STXBP5L: variants seen among roughly 807,000 people sequenced by gnomAD.
The protein encoded by STXBP5L is syntaxin-binding protein 5-like.
STXBP5L carries 65 observed loss-of-function variants against 144.5 expected under a neutral mutation model. The ratio of observed to expected loss-of-function variants is 0.45; its 90% CI spans 0.37 to 0.55. The LOEUF (loss-of-function observed/expected upper bound fraction) is 0.55, where lower values mean the gene tolerates loss of function less well. Ranked by LOEUF, STXBP5L falls within the 20% of genes least tolerant of loss-of-function variation. STXBP5L has a pLI of 0.00. For missense variants in STXBP5L, 1,298 were observed against 1,405.5 expected (o/e 0.92, Z 1.22); for synonymous variants, 505 against 469.6 (o/e 1.08, Z -0.97).
chr3:121,100,493 CT>C (rs1296558555), intron 5 of STXBP5L, among the ~76,000 whole-genome samples: 1 of 152,074 alleles, frequency 6.6e-6, no homozygotes, highest in Non-Finnish European at 1.5e-5. Context: ...TCCCGATTGA[CT>C]TTTGGTAAAC....
chr3:121,189,586 T>G (rs1242617974), intron 9 of STXBP5L, among the ~76,000 whole-genome samples: 1 of 152,214 alleles, frequency 6.6e-6, no homozygotes, highest in Non-Finnish European at 1.5e-5. Context: ...TCTATATCTC[T>G]GTTTTGGAAC....
At chr3:121,286,218 C>A (rs1182672503) in intron 19 of STXBP5L, among the ~76,000 whole-genome samples, 1 of 151,712 alleles carries the variant, frequency 6.6e-6, no homozygotes, top group African/African-American at 2.4e-5. Flanking sequence ...ATAACAGATC[C>A]TAAAAACACC....
intron 20 of STXBP5L, among the ~76,000 whole-genome samples, chr3:121,337,085 G>T (rs189618751): frequency 6.6e-6 from 1 of 152,170 alleles, no homozygotes; most frequent in East Asian, 1.9e-4. Context: ...ACAGACACTG[G>T]GGTCTACTTG....
At chr3:121,333,047 C>T (rs965430690) in intron 20 of STXBP5L, among the ~76,000 whole-genome samples, 6 of 152,116 alleles carry the variant, frequency 3.9e-5, no homozygotes, top group African/African-American at 1.4e-4. Flanking sequence ...GAACTTGCCA[C>T]TACCACACCA....
chr3:121,015,311 A>T (rs1945065442), intron 3 of STXBP5L, among the ~76,000 whole-genome samples: 1 of 152,166 alleles, frequency 6.6e-6, no homozygotes, highest in Non-Finnish European at 1.5e-5. Context: ...AAGAGCTTGG[A>T]AGTTGTTACT....
chr3:121,134,956 T>A (rs1174278838), intron 7 of STXBP5L, among the ~76,000 whole-genome samples: 2 of 152,112 alleles, frequency 1.3e-5, no homozygotes, highest in Non-Finnish European at 2.9e-5. Context: ...GTATTTCTAG[T>A]TCTAGATCCT....
At chr3:121,019,724 A>G (rs1945408540) in intron 3 of STXBP5L, among the ~76,000 whole-genome samples, 1 of 152,214 alleles carries the variant, frequency 6.6e-6, no homozygotes, top group Non-Finnish European at 1.5e-5. Context: ...GAGAAAGTGG[A>G]GAGCACCACA....
intron 19 of STXBP5L, among the ~76,000 whole-genome samples, chr3:121,289,079 C>G (rs974683951): frequency 2.0e-5 from 3 of 152,138 alleles, no homozygotes; most frequent in Non-Finnish European, 4.4e-5. Context: ...ACATGCAGTT[C>G]ACCAGCCAAG....
chr3:120,951,880 C>T (rs2107689715), intron 2 of STXBP5L, among the ~76,000 whole-genome samples: 1 of 152,024 alleles, frequency 6.6e-6, no homozygotes, highest in African/African-American at 2.4e-5. Context: ...GCACTATTCA[C>T]AATAGCAAAG....
At chr3:121,073,574 C>T (rs2041896957) in intron 5 of STXBP5L, among the ~76,000 whole-genome samples, 1 of 152,138 alleles carries the variant, frequency 6.6e-6, no homozygotes, top group South Asian at 2.1e-4. Flanking sequence ...TGTAGCTATT[C>T]CTTTTCTTTC....
chr3:121,218,922 G>A (rs173087), intron 10 of STXBP5L, among the ~76,000 whole-genome samples: 10 of 151,894 alleles, frequency 6.6e-5, no homozygotes, highest in Non-Finnish European at 1.2e-4. Flanking sequence ...CTGTAATGTC[G>A]TCAGTTTGAT....
At chr3:121,114,632 C>G (rs989042303) in intron 5 of STXBP5L, among the ~76,000 whole-genome samples, 7 of 152,106 alleles carry the variant, frequency 4.6e-5, no homozygotes, top group African/African-American at 1.7e-4. Flanking sequence ...AATTCAGCCA[C>G]AGTTTCATTT....
At chr3:121,056,887 T>C (rs1368898510) in intron 5 of STXBP5L, among the ~76,000 whole-genome samples, 3 of 151,476 alleles carry the variant, frequency 2.0e-5, no homozygotes, top group Non-Finnish European at 4.4e-5. Flanking sequence ...GAGAATATCA[T>C]ATTTTTTTGT....
At chr3:121,195,090 A>AT (rs1010496848) in intron 9 of STXBP5L, among the ~76,000 whole-genome samples, 10 of 150,780 alleles carry the variant, frequency 6.6e-5, no homozygotes, top group East Asian at 2.0e-4. Flanking sequence ...TAATTTTTGT[A>AT]TTTTTTTTAA....
intron 19 of STXBP5L, among the ~76,000 whole-genome samples, chr3:121,317,016 T>TA (rs2043810106): frequency 6.6e-6 from 1 of 152,238 alleles, no homozygotes; most frequent in Non-Finnish European, 1.5e-5. Flanking sequence ...GATTAACACT[T>TA]ACTGCTTATT....
At chr3:121,203,601 A>G (rs376649862) in intron 9 of STXBP5L, among the ~76,000 whole-genome samples, 10 of 152,202 alleles carry the variant, frequency 6.6e-5, no homozygotes, top group Non-Finnish European at 1.5e-4. Flanking sequence ...GTCAATAAGT[A>G]TAATCAAAGC....
intron 5 of STXBP5L, among the ~76,000 whole-genome samples, chr3:121,072,896 G>A (rs1419932009): frequency 6.6e-6 from 1 of 152,164 alleles, no homozygotes; most frequent in Non-Finnish European, 1.5e-5. Flanking sequence ...CTGTGGGCAT[G>A]CAAAGTGGCA....
At chr3:121,333,436 A>T (rs1218084533) in intron 20 of STXBP5L, among the ~76,000 whole-genome samples, 3 of 152,152 alleles carry the variant, frequency 2.0e-5, no homozygotes, top group African/African-American at 7.2e-5. Flanking sequence ...AAGATCTCTA[A>T]TTAACAACCT....
At chr3:121,053,915 C>G (rs1299205756) in intron 5 of STXBP5L, among the ~76,000 whole-genome samples, 12 of 152,052 alleles carry the variant, frequency 7.9e-5, no homozygotes, top group African/African-American at 1.2e-4. Flanking sequence ...ACAACCCCAT[C>G]AAAAAGTGGG....
Sources: gnomAD v4.1 joint callset for allele counts (sites outside exome capture counted in the v4.1 genomes callset) on GRCh38, gnomAD v4.1.1 for gene constraint, MANE v1.5 for transcripts, NCBI Gene and HGNC (gene_info 2026-07-23, HGNC 2026-07-21) for gene names.